The following RALY variants were observed in gnomAD, a reference collection of about 807,000 sequenced individuals.
RALY encodes RALY heterogeneous nuclear ribonucleoprotein.
In RALY, 15 loss-of-function variants were observed where a neutral mutation model predicts 30.7. The observed-to-expected ratio is 0.49, with a 90% CI of 0.33 to 0.75. The LOEUF is 0.75. RALY is among the 30% of genes least tolerant of loss of function. The pLI, the probability that RALY is intolerant of heterozygous loss-of-function variation, is 0.02. For missense variants in RALY, 339 were observed against 414.3 expected (o/e 0.82, Z 1.58); for synonymous variants, 177 against 170.8 (o/e 1.04, Z -0.28).
intron 1 of RALY, among the ~76,000 whole-genome samples, chr20:34,030,670 G>A (rs1372806459): frequency 6.6e-6 from 1 of 152,212 alleles, no homozygotes; most frequent in Non-Finnish European, 1.5e-5. Flanking sequence ...TCTTGCGCAA[G>A]TAACCTAGTC....
At chr20:34,059,231 T>A (rs1279382430) in intron 2 of RALY, among the ~76,000 whole-genome samples, 2 of 152,166 alleles carry the variant, frequency 1.3e-5, no homozygotes, top group Non-Finnish European at 2.9e-5. Flanking sequence ...CCACTCAGTG[T>A]GTTCAAGGAG....
At chr20:34,035,814 TAGC>T (rs1360819300) in intron 2 of RALY, among the ~76,000 whole-genome samples, 2 of 152,052 alleles carry the variant, frequency 1.3e-5, no homozygotes, top group Non-Finnish European at 2.9e-5. Context: ...TGAAGAAAAA[TAGC>T]AGGGTAAGGG....
intron 1 of RALY, among the ~76,000 whole-genome samples, chr20:34,003,891 C>A (rs553048039): frequency 1.1e-4 from 17 of 152,016 alleles, no homozygotes; most frequent in Non-Finnish European, 1.5e-5. Context: ...CGCCCGCCTC[C>A]GCCTCCCAAA....
chr20:34,045,505 T>C (rs1248129736), intron 2 of RALY, among the ~76,000 whole-genome samples: 9 of 152,034 alleles, frequency 5.9e-5, no homozygotes, highest in Admixed American at 5.9e-4. Flanking sequence ...GGCCAGAACA[T>C]AGGGCCCCGA....
At chr20:34,030,178 T>C (rs2123093205) in intron 1 of RALY, among the ~76,000 whole-genome samples, 1 of 152,278 alleles carries the variant, frequency 6.6e-6, no homozygotes, top group Non-Finnish European at 1.5e-5. Flanking sequence ...TTGTTATATA[T>C]AATGTGAGAT....
rs146820174 is a variant in RALY, at chr20:34,066,404, G to A, written c.-9-5662G>A. Among the ~76,000 whole-genome samples, 1,043 of 152,192 alleles carry A rather than the reference G, an allele frequency of 6.9e-3. 12 individuals carry two copies. The highest frequency in any genetic ancestry group is 0.023 in the African/African-American group (942 of 41,514). On this transcript the variant is annotated intron_variant, in intron 2 of 9. Coordinates refer to ENST00000246194, the MANE Select transcript of RALY (RefSeq NM_016732.3). ...TGAGGCAGAAGAATTGCTTGAACCC[G>A]GGAAGCGGAGGTTGCAGTGAGCCAA...
At chr20:34,054,127 C>T (rs1418698158) in intron 2 of RALY, among the ~76,000 whole-genome samples, 1 of 152,208 alleles carries the variant, frequency 6.6e-6, no homozygotes, top group Admixed American at 6.5e-5. Context: ...GCTCATCTCA[C>T]AAACATCAGC....
At chr20:34,045,391 G>A (rs2032845728) in intron 2 of RALY, among the ~76,000 whole-genome samples, 3 of 152,238 alleles carry the variant, frequency 2.0e-5, no homozygotes, top group Admixed American at 1.3e-4. Context: ...AGGCCCTGAT[G>A]CAAGAGCATG....
At chr20:34,027,297 A>G (rs1342257961) in intron 1 of RALY, among the ~76,000 whole-genome samples, 1 of 152,202 alleles carries the variant, frequency 6.6e-6, no homozygotes, top group Non-Finnish European at 1.5e-5. Flanking sequence ...TTTGACCTTG[A>G]ATGGCACACT....
At chr20:33,997,040 C>T (rs563322717) in intron 1 of RALY, among the ~76,000 whole-genome samples, 1 of 152,266 alleles carries the variant, frequency 6.6e-6, no homozygotes, top group African/African-American at 2.4e-5. Flanking sequence ...CTTTTCTCCC[C>T]CTTAGGTTGA....
At chr20:34,025,355 G>T (rs1568662257) in intron 1 of RALY, among the ~76,000 whole-genome samples, 1 of 151,330 alleles carries the variant, frequency 6.6e-6, no homozygotes, top group South Asian at 2.1e-4. Flanking sequence ...AGGCTGGAGT[G>T]CAGTAGTGCA....
At position 34,025,686 on chromosome 20, in the gene RALY, TA is replaced by T. The variant is rs1333077710; in HGVS notation, c.-92-5819del. 5.9e-3 allele frequency among the ~76,000 whole-genome samples: 859 copies of T among 144,738 alleles called. 9 individuals carry two copies. Among genetic ancestry groups the T allele is most frequent in the African/African-American group, 0.014 (548 of 39,070 alleles). 95.0% of individuals were successfully genotyped at this position (144,738 alleles called of 152,430 possible). A position where few individuals can be genotyped will look rare whatever the true frequency, so the allele number is the denominator to read the frequency against. On this transcript the variant is annotated intron_variant, in intron 1 of 9. Coordinates refer to ENST00000246194, the MANE Select transcript of RALY (RefSeq NM_016732.3). ...AGAGTTCTGTAGGGACATGCTATTT[TA>T]AAAAAAAAAAAAAAAATTGTTTTAC... is the stretch of plus-strand genomic sequence containing the variant.
chr20:34,026,374 T>TTTTATTTATTTA lies in RALY; in HGVS notation c.-92-5113_-92-5102dup, dbSNP rs372397530. 2.3e-3 allele frequency among the ~76,000 whole-genome samples: 327 copies of TTTTATTTATTTA among 142,448 alleles called. 3 individuals carry two copies. Among genetic ancestry groups the TTTTATTTATTTA allele is most frequent in the East Asian group, 7.8e-3 (37 of 4,774 alleles). The allele number at this position is 142,448 out of a possible 152,430, so 93.5% of individuals were successfully genotyped here. Reference sequence around the variant, plus strand: ...TTTTCCAAAGTCTAGACCTCAGACATTTTATTTATTTATTTATTTATTTAT... The same window carrying TTTTATTTATTTA: ...TTTTCCAAAGTCTAGACCTCAGACATTTTATTTATTTATTTATTTATTTATTTATTTATTTAT... On this transcript the variant is annotated intron_variant, in intron 1 of 9. Transcript: ENST00000246194.
intron 2 of RALY, among the ~76,000 whole-genome samples, chr20:34,039,927 G>A (rs896225465): frequency 7.2e-5 from 11 of 152,080 alleles, no homozygotes; most frequent in African/African-American, 2.2e-4. Flanking sequence ...CCTGGCCAAC[G>A]TGGTGAAACC....
intron 2 of RALY, among the ~76,000 whole-genome samples, 163 bp from the exon 3 acceptor site, chr20:34,071,903 A>C (rs1201392888): frequency 2.0e-5 from 3 of 152,152 alleles, no homozygotes; most frequent in African/African-American, 7.2e-5. Context: ...ATATGTGGCA[A>C]CTCTTGGTAA....
chr20:34,003,231 T>G (rs1226530337), intron 1 of RALY, among the ~76,000 whole-genome samples: 1 of 152,208 alleles, frequency 6.6e-6, no homozygotes, highest in African/African-American at 2.4e-5. Flanking sequence ...GATGTCATCT[T>G]CTCTCTCTTT....
At chr20:34,054,948 T>C (rs982151223) in intron 2 of RALY, among the ~76,000 whole-genome samples, 1 of 152,224 alleles carries the variant, frequency 6.6e-6, no homozygotes, top group Non-Finnish European at 1.5e-5. Flanking sequence ...GCAATAGTAA[T>C]ACCATTTTCA....
chr20:34,012,065 CAAA>C (rs142466996), intron 1 of RALY, among the ~76,000 whole-genome samples: 12 of 116,538 alleles, frequency 1.0e-4, no homozygotes, highest in Non-Finnish European at 7.8e-5. Flanking sequence ...GACCCTGTCT[CAAA>C]AAAAAAAAAA....
chr20:34,036,652 C>T (rs188798593), intron 2 of RALY, among the ~76,000 whole-genome samples: 22 of 152,326 alleles, frequency 1.4e-4, no homozygotes, highest in Non-Finnish European at 2.4e-4. Context: ...AGTGAAGCCA[C>T]ATGGGCCTGG....
Sources: allele counts gnomAD v4.1 joint callset (sites outside exome capture counted in the v4.1 genomes callset), GRCh38; gene constraint gnomAD v4.1.1; transcripts MANE v1.5; gene names NCBI Gene and HGNC (gene_info 2026-07-23, HGNC 2026-07-21).